Variants in ARHGEF25 observed in about 807,000 individuals in gnomAD.
ARHGEF25 encodes Rho guanine nucleotide exchange factor 25, also known as RAC/CDC42 exchange factor.
In ARHGEF25, 42 loss-of-function variants were observed where a neutral mutation model predicts 74.0. That is an observed-to-expected ratio of 0.57 (90% CI 0.44 to 0.73). ARHGEF25 has a LOEUF of 0.73. Ranked by LOEUF, ARHGEF25 falls within the 30% of genes least tolerant of loss-of-function variation. The pLI, the probability that ARHGEF25 is intolerant of heterozygous loss-of-function variation, is 0.00. For synonymous variants in ARHGEF25, 293 were observed against 278.6 expected (o/e 1.05, Z -0.51); for missense variants, 645 against 725.5 (o/e 0.89, Z 1.27).
At chr12:57,610,770 A>T, upstream of ARHGEF25, 1 of 1,171,522 alleles carries the variant, frequency 8.5e-7, no homozygotes, top group South Asian at 1.7e-5. Flanking sequence ...TATTAGCATA[A>T]AGTTCGCATC....
chr12:57,610,492 G>T (rs766610987), upstream of ARHGEF25: 258 of 1,121,004 alleles, frequency 2.3e-4, no homozygotes, highest in Admixed American at 9.0e-4. Context: ...TGTGGGTTTT[G>T]ACAGGTAGGA....
At chr12:57,610,232 C>A (rs776423271), upstream of ARHGEF25, 6 of 1,598,544 alleles carry the variant, frequency 3.8e-6, no homozygotes, top group Admixed American at 8.5e-5. Flanking sequence ...GCCCCCGGAC[C>A]GCCCCGCCCC....
chr12:57,613,984 A>G, intron 5 of ARHGEF25, 32 bp from the exon 6 acceptor site: 1 of 1,602,792 alleles, frequency 6.2e-7, no homozygotes, highest in Non-Finnish European at 8.5e-7. Flanking sequence ...GGGCCACCAC[A>G]TGCTCATGAC....
rs769420060 is a variant in ARHGEF25 at position 57,613,296 on chromosome 12, A to G, written c.345A>G (p.Gly115=). The G allele has an allele frequency of 6.2e-7, 1 of 1,614,184 alleles. No individual in the cohort carries two copies. Among genetic ancestry groups the G allele is most frequent in the Non-Finnish European group, 8.5e-7 (1 of 1,180,026 alleles). ...TGTTGGAGCCAGCTCTAGCCACAGGAGAGGAGCTGCCGGAACTGACCTTGC... is the reference window on the plus strand; with the variant it reads ...TGTTGGAGCCAGCTCTAGCCACAGGGGAGGAGCTGCCGGAACTGACCTTGC... ...NWMLEPALAT[G]EELPELTLLT... is the part of the protein sequence containing the mutation. The change falls in exon 3 of 15, where the codon GGA becomes GGG. Residue 115 remains glycine, a synonymous_variant. Coordinates refer to ENST00000286494, the MANE Select transcript of ARHGEF25 (RefSeq NM_182947.4).
upstream of ARHGEF25, chr12:57,611,311 T>TCAC (rs1437837127): frequency 3.0e-6 from 1 of 335,792 alleles, no homozygotes; most frequent in African/African-American, 2.3e-5. The surrounding 1 kb of genome is among the most constrained non-coding windows in gnomAD (Gnocchi z 4.5). Flanking sequence ...GGGAACGTGG[T>TCAC]GGTGTCTGGG....
chr12:57,610,762 T>C, upstream of ARHGEF25: 1 of 1,252,834 alleles, frequency 8.0e-7, no homozygotes, highest in Non-Finnish European at 1.1e-6. Flanking sequence ...TCTATTCTTA[T>C]TAGCATAAAG....
intron 14 of ARHGEF25, 77 bp from the exon 15 acceptor site, chr12:57,616,707 G>C: frequency 8.7e-7 from 1 of 1,145,608 alleles, no homozygotes; most frequent in Non-Finnish European, 1.3e-6. Flanking sequence ...GGCTTGGCTA[G>C]GGACTTAAAC....
intron 14 of ARHGEF25, 99 bp downstream of exon 14, chr12:57,616,594 A>G (rs1884302881): frequency 2.5e-6 from 3 of 1,184,596 alleles, no homozygotes; most frequent in Non-Finnish European, 2.4e-6. Context: ...CCTTCCTTTT[A>G]TCTGGTCCTT....
upstream of ARHGEF25, among the ~76,000 whole-genome samples, chr12:57,611,240 G>T (rs1482602574): frequency 1.3e-5 from 2 of 151,374 alleles, no homozygotes; most frequent in Non-Finnish European, 2.9e-5. This position sits in a 1 kb window ranked among gnomAD's most constrained non-coding sequence, Gnocchi z 4.5. Flanking sequence ...CGAGAGGGAG[G>T]GGGACCCCGG....
chr12:57,614,231 G>A lies in ARHGEF25; in HGVS notation c.657-100G>A, dbSNP rs4760307. 11,734 of 1,577,542 alleles carry A rather than the reference G, an allele frequency of 7.4e-3. 1,280 individuals are homozygous for A. In the Admixed American group the frequency reaches 0.19, roughly 25 times the overall value. ...AAGGAATGTTTGGAGAAGTTTTGTAGGGCACACTACCAGGGCAGACAGCTC... is the reference window on the plus strand; with the variant it reads ...AAGGAATGTTTGGAGAAGTTTTGTAAGGCACACTACCAGGGCAGACAGCTC... On this transcript the variant is annotated intron_variant, in intron 6 of 14. Transcript: ENST00000286494. The surrounding 1 kb of genome is among the most constrained non-coding windows in gnomAD (Gnocchi z 4.6).
At position 57,614,963 on chromosome 12, in the gene ARHGEF25, T is replaced by C; in HGVS notation, c.910-4T>C. 1 of 1,614,052 alleles carries C rather than the reference T, an allele frequency of 6.2e-7. No homozygotes were observed. The highest frequency in any genetic ancestry group is 1.3e-5 in the African/African-American group (1 of 75,022). ...TCCCTGAGCATTTCTTCTCTCTGTCTTAGGATTTTCTCAAGTATTACAATA... is the reference window on the plus strand; with the variant it reads ...TCCCTGAGCATTTCTTCTCTCTGTCCTAGGATTTTCTCAAGTATTACAATA... On this transcript the variant is annotated splice_region_variant and splice_polypyrimidine_tract_variant and intron_variant, in intron 9 of 14. Transcript: ENST00000286494. This position sits in a 1 kb window ranked among gnomAD's most constrained non-coding sequence, Gnocchi z 4.6.
At position 57,613,973 on chromosome 12, in the gene ARHGEF25, A is replaced by C. The variant is rs773565464; in HGVS notation, c.553-43A>C. 5.3e-5 allele frequency: 83 copies of C among 1,580,834 alleles called. No homozygotes were observed. The South Asian group carries it at 9.0e-4, about 17-fold the overall frequency. The stretch of plus-strand genomic sequence containing the variant: ...ACAGGAGCACCATTAAGGTGGGGAG[A>C]GGGCCACCACATGCTCATGACCCAA... On this transcript the variant is annotated intron_variant, in intron 5 of 14. Coordinates refer to ENST00000286494, the MANE Select transcript of ARHGEF25 (RefSeq NM_182947.4).
intron 14 of ARHGEF25, 54 bp from the exon 15 acceptor site, chr12:57,616,730 A>G (rs1884309147): frequency 7.7e-7 from 1 of 1,295,048 alleles, no homozygotes; most frequent in Non-Finnish European, 1.1e-6. Flanking sequence ...AAAAGAGAGA[A>G]GTGAGGGTAG....
In ARHGEF25 at chr12:57,612,949, C is replaced by T. The variant is rs147842061; in HGVS notation, c.117C>T (p.Gly39=). The T allele has an allele frequency of 5.5e-5, 88 of 1,613,904 alleles. No individual in the cohort carries two copies. Among genetic ancestry groups the T allele is most frequent in the Middle Eastern group, 1.6e-4 (1 of 6,084 alleles). Residue 39 remains glycine, a synonymous_variant, in exon 2 of 15, where the codon GGC becomes GGT. Transcript: ENST00000286494. ...CATTAGAATCCTATTCCATTGCGGG[C>T]AGTGAGGGGAGTATATCGGCTTCTG... ...RGGRESYSIA[G]SEGSISASAA... is the part of the protein sequence containing the mutation.
upstream of ARHGEF25, chr12:57,611,300 T>C: frequency 3.5e-6 from 1 of 284,330 alleles, no homozygotes; most frequent in Non-Finnish European, 5.2e-6. The surrounding 1 kb of genome is among the most constrained non-coding windows in gnomAD (Gnocchi z 4.5). Flanking sequence ...GGACGTGGAG[T>C]GGGAACGTGG....
rs370232872 is a variant in ARHGEF25 at position 57,614,410 on chromosome 12, G to A, written c.726+10G>A. ...GCTATTCATCAAACACGTGAGGCTT[G>A]AGGGGGCAGGGCCTGGGGCGGGGCT... On this transcript the variant is annotated intron_variant, in intron 7 of 14. Transcript: ENST00000286494. The surrounding 1 kb of genome is among the most constrained non-coding windows in gnomAD (Gnocchi z 4.6). 9.9e-6 allele frequency: 16 copies of A among 1,614,044 alleles called. No homozygotes were observed. The highest frequency in any genetic ancestry group is 1.7e-5 in the Admixed American group (1 of 60,028).
In ARHGEF25 at chr12:57,613,334, T is replaced by C. The variant is rs757876691; in HGVS notation, c.383T>C (p.Leu128Ser). 6 of 1,614,084 alleles carry C rather than the reference T, an allele frequency of 3.7e-6. No homozygotes were observed. In the Admixed American group the frequency reaches 8.3e-5, roughly 22 times the overall value. ...GAACTGACCTTGCTGACCACACTGTTGGAGGGCCCTGGAGATAAGACGCAG... is the reference window on the plus strand; with the variant it reads ...GAACTGACCTTGCTGACCACACTGTCGGAGGGCCCTGGAGATAAGACGCAG... The part of the protein sequence containing the change: ...LPELTLLTTL[L>S]EGPGDKTQPP... The change falls in exon 3 of 15, where the codon TTG (leucine) becomes TCG (serine). Residue 128 changes from leucine to serine, a missense_variant. Coordinates refer to ENST00000286494, the MANE Select transcript of ARHGEF25 (RefSeq NM_182947.4).
upstream of ARHGEF25, chr12:57,610,577 G>T (rs1322346760): frequency 6.2e-7 from 1 of 1,609,336 alleles, no homozygotes; most frequent in East Asian, 2.2e-5. Flanking sequence ...CAGCCCCCAA[G>T]GAGAAGCCCT....
intron 11 of ARHGEF25, 44 bp downstream of exon 11, chr12:57,615,358 C>T (rs1320786306): frequency 1.3e-6 from 2 of 1,583,630 alleles, no homozygotes; most frequent in Non-Finnish European, 1.7e-6. Flanking sequence ...TGCTCTTCTG[C>T]CCCAGCCCTA....
Sources: allele counts gnomAD v4.1 joint callset (sites outside exome capture counted in the v4.1 genomes callset), GRCh38; gene constraint gnomAD v4.1.1; non-coding constraint Gnocchi (gnomAD v3.1); transcripts MANE v1.5; gene names NCBI Gene and HGNC (gene_info 2026-07-23, HGNC 2026-07-21).